Variants in RAPGEF4 observed in about 807,000 individuals in gnomAD.
The protein encoded by RAPGEF4 is RAP guanine-nucleotide-exchange factor (GEF) 4.
A neutral mutation model predicts 147.9 loss-of-function variants in RAPGEF4; 66 were observed. The observed-to-expected ratio is 0.45, with a 90% CI of 0.37 to 0.55. The LOEUF (loss-of-function observed/expected upper bound fraction) is 0.55, where lower values mean the gene tolerates loss of function less well. RAPGEF4 is among the 20% of genes least tolerant of loss of function. The probability of loss-of-function intolerance (pLI) is 0.00; values close to 1 mark genes in which losing one functional copy is unlikely to be tolerated. For missense variants in RAPGEF4, 1,071 were observed against 1,257.3 expected (o/e 0.85, Z 2.24); for synonymous variants, 419 against 442.7 (o/e 0.95, Z 0.67).
At chr2:173,013,596 ATGT>A (rs1695226836) in intron 17 of RAPGEF4, among the ~76,000 whole-genome samples, 2 of 152,204 alleles carry the variant, frequency 1.3e-5, no homozygotes, top group South Asian at 2.1e-4. Context: ...ATTACCTGTG[ATGT>A]TGTGCCTCCT....
chr2:172,936,607 A>T (rs1427262660), intron 6 of RAPGEF4, among the ~76,000 whole-genome samples: 2 of 151,166 alleles, frequency 1.3e-5, no homozygotes, highest in Non-Finnish European at 3.0e-5. Flanking sequence ...TTTTGCAATA[A>T]TTTTTTTTAA....
chr2:173,017,292 A>G, intron 20 of RAPGEF4, 88 bp downstream of exon 20: 29 of 1,517,868 alleles, frequency 1.9e-5, no homozygotes, highest in Non-Finnish European at 2.6e-5. Context: ...CATAAAAGTG[A>G]TTTCTTTTTT....
rs751696720 is a variant in RAPGEF4 at position 172,907,873 on chromosome 2, G to A, written c.445-9929G>A. 4.6e-5 allele frequency among the ~76,000 whole-genome samples: 7 copies of A among 152,254 alleles called. No homozygotes were observed. In the South Asian group the frequency reaches 8.3e-4, roughly 18 times the overall value. On this transcript the variant is annotated intron_variant, in intron 4 of 30. Transcript: ENST00000397081. ...ACCATTTACTAAGTGCCTGATATGT[G>A]CAGGGAACTGTTATAGATTTTATTT...
chr2:172,928,666 C>T (rs1328047129), intron 6 of RAPGEF4, among the ~76,000 whole-genome samples: 2 of 152,112 alleles, frequency 1.3e-5, no homozygotes, highest in Non-Finnish European at 2.9e-5. Context: ...TGAAATAGAA[C>T]TTTTTAATGC....
rs1461860668 is a variant in RAPGEF4 at position 172,854,247 on chromosome 2, T to G, written c.444+39822T>G. Among the ~76,000 whole-genome samples the G allele has an allele frequency of 2.0e-5, 3 of 152,154 alleles. No homozygotes were observed. In the Middle Eastern group the frequency reaches 0.01, roughly 518 times the overall value. On this transcript the variant is annotated intron_variant, in intron 4 of 30. Transcript: ENST00000397081. ...AATAATTTTTTTAATTTTTTGCTTT[T>G]TAACATTTTGTTATTAGGCATGTAT...
chr2:172,901,681 G>T (rs1575179276), intron 4 of RAPGEF4, among the ~76,000 whole-genome samples: 1 of 152,188 alleles, frequency 6.6e-6, no homozygotes, highest in Non-Finnish European at 1.5e-5. Context: ...ACCATGAGGG[G>T]TGCCATGGTA....
intron 6 of RAPGEF4, among the ~76,000 whole-genome samples, chr2:172,927,074 A>G (rs923292919): frequency 6.6e-6 from 1 of 152,194 alleles, no homozygotes; most frequent in African/African-American, 2.4e-5. Context: ...GTCTCATCTT[A>G]AGGAGATTAC....
At position 173,017,466 on chromosome 2, in the gene RAPGEF4, G is replaced by A. The variant is rs1177288573; in HGVS notation, c.1970G>A (p.Arg657Lys). 6.2e-7 allele frequency: 1 copy of A among 1,614,192 alleles called. No individual in the cohort carries two copies. Among genetic ancestry groups the A allele is most frequent in the Middle Eastern group, 1.7e-4 (1 of 6,058 alleles). The change falls in exon 21 of 31, where the codon AGA becomes AAA. Residue 657 changes from arginine (R) to lysine (K), a missense_variant. By Grantham distance (26) the Arg-to-Lys change is conservative (BLOSUM62 2). Transcript: ENST00000397081. ...LLQQFNTGDE[R>K]AQKRQPIRGS... ...CAACAGTTCAATACGGGCGATGAGAGAGCCCAGAAGCGCCAGCCTATCCGC... is the reference window on the plus strand; with the variant it reads ...CAACAGTTCAATACGGGCGATGAGAAAGCCCAGAAGCGCCAGCCTATCCGC...
At chr2:172,948,060 C>G (rs1687858103) in intron 6 of RAPGEF4, among the ~76,000 whole-genome samples, 1 of 152,204 alleles carries the variant, frequency 6.6e-6, no homozygotes, top group South Asian at 2.1e-4. Context: ...TCCAGCTTCT[C>G]TCATTCAGCA....
At chr2:172,918,150 G>A (rs1052605795) in intron 5 of RAPGEF4, 2 of 540,716 alleles carry the variant, frequency 3.7e-6, no homozygotes, top group African/African-American at 3.8e-5. Flanking sequence ...TCATCTTATA[G>A]TGAAATCCAG....
chr2:172,940,731 T>G (rs1182173042), intron 6 of RAPGEF4, among the ~76,000 whole-genome samples: 1 of 152,228 alleles, frequency 6.6e-6, no homozygotes, highest in Non-Finnish European at 1.5e-5. Context: ...TTCCAGTAAT[T>G]GCAGAATCAG....
At chr2:172,829,782 TTA>T (rs576834288) in intron 4 of RAPGEF4, among the ~76,000 whole-genome samples, 7 of 148,104 alleles carry the variant, frequency 4.7e-5, no homozygotes, top group African/African-American at 1.2e-4. Context: ...AATAACTCAT[TTA>T]TATATATATA....
In RAPGEF4 at chr2:172,795,044, G is replaced by A. The variant is rs938937021; in HGVS notation, c.85G>A (p.Glu29Lys). The A allele has an allele frequency of 8.1e-6, 13 of 1,613,976 alleles. No individual in the cohort carries two copies. The highest frequency in any genetic ancestry group is 1.0e-5 in the Non-Finnish European group (12 of 1,179,930). The stretch of plus-strand genomic sequence containing the variant: ...ATACAGACCACTGGAGCGATCCAGC[G>A]AAGATGTGGATATAATCTTCACTCG... ...LDKRPLERSS[E>K]DVDIIFTRLK... Residue 29 changes from glutamate (E) to lysine (K), a missense_variant, in exon 2 of 31, where the codon GAA becomes AAA. Physicochemically the swap from Glu to Lys is moderately conservative, Grantham distance 56. Transcript: ENST00000397081.
intron 3 of RAPGEF4, among the ~76,000 whole-genome samples, chr2:172,813,441 T>G (rs1301000060): frequency 6.6e-6 from 1 of 152,256 alleles, no homozygotes. Flanking sequence ...CATGACATTT[T>G]ATAAGCTAGT....
At chr2:172,747,027 A>G (rs1694836685) in intron 1 of RAPGEF4, among the ~76,000 whole-genome samples, 1 of 152,236 alleles carries the variant, frequency 6.6e-6, no homozygotes, top group South Asian at 2.1e-4. Context: ...TTGAAAACAA[A>G]TAGAAAAGAT....
At chr2:172,910,071 C>A (rs771627840) in intron 4 of RAPGEF4, among the ~76,000 whole-genome samples, 1 of 152,206 alleles carries the variant, frequency 6.6e-6, no homozygotes, top group Non-Finnish European at 1.5e-5. Context: ...ATCAGTCCAG[C>A]CCCTTGCCAG....
chr2:172,847,871 C>CATGTTT (rs1692376663), intron 4 of RAPGEF4, among the ~76,000 whole-genome samples: 1 of 152,146 alleles, frequency 6.6e-6, no homozygotes, highest in Non-Finnish European at 1.5e-5. Context: ...TGGTCTTTCT[C>CATGTTT]ATGTTTATTT....
At chr2:172,792,642 T>C (rs1325836549) in intron 1 of RAPGEF4, among the ~76,000 whole-genome samples, 1 of 152,168 alleles carries the variant, frequency 6.6e-6, no homozygotes, top group Non-Finnish European at 1.5e-5. Context: ...GAAGAGCTTT[T>C]AAACTAAGCT....
chr2:172,934,296 C>T (rs915664823), intron 6 of RAPGEF4, among the ~76,000 whole-genome samples: 6 of 151,790 alleles, frequency 4.0e-5, no homozygotes, highest in Non-Finnish European at 7.4e-5. Flanking sequence ...ATTACAGGCA[C>T]CTACCACCAT....
Sources: gnomAD v4.1 joint callset for allele counts (sites outside exome capture counted in the v4.1 genomes callset) on GRCh38, gnomAD v4.1.1 for gene constraint, MANE v1.5 for transcripts, NCBI Gene and HGNC (gene_info 2026-07-23, HGNC 2026-07-21) for gene names.